SLC6A4: variants seen among roughly 807,000 people sequenced by gnomAD.
The protein encoded by SLC6A4 is sodium-dependent serotonin transporter.
SLC6A4 carries 22 observed loss-of-function variants against 73.4 expected under a neutral mutation model. That is an observed-to-expected ratio of 0.30 (90% confidence interval 0.21 to 0.43). The LOEUF (loss-of-function observed/expected upper bound fraction) is 0.43. SLC6A4 is among the 20% of genes least tolerant of loss of function. SLC6A4 has a pLI of 1.00. For synonymous variants in SLC6A4, 270 were observed against 315.5 expected (o/e 0.86, Z 1.53); for missense variants, 593 against 808.5 (o/e 0.73, Z 3.23).
chr17:30,234,346 A>AAAAG (rs747067437), intron 1 of SLC6A4, among the ~76,000 whole-genome samples: 14 of 152,202 alleles, frequency 9.2e-5, no homozygotes, highest in African/African-American at 2.6e-4. Context: ...TTTAGTGGGA[A>AAAAG]AAAGAAAGAA....
At chr17:30,225,411 A>G (rs1044468160) in intron 1 of SLC6A4, among the ~76,000 whole-genome samples, 1 of 152,154 alleles carries the variant, frequency 6.6e-6, no homozygotes, top group Non-Finnish European at 1.5e-5. Flanking sequence ...GGCTTTTTCT[A>G]TCAAGACTTG....
chr17:30,218,600 T>G (rs896302936), intron 4 of SLC6A4, among the ~76,000 whole-genome samples, 197 bp downstream of exon 4: 1 of 152,258 alleles, frequency 6.6e-6, no homozygotes, highest in Non-Finnish European at 1.5e-5. Context: ...ATTAGTTTAC[T>G]TCTCATTGCC....
At chr17:30,214,449 A>G (rs1906489271) in intron 8 of SLC6A4, among the ~76,000 whole-genome samples, 1 of 149,922 alleles carries the variant, frequency 6.7e-6, no homozygotes, top group African/African-American at 2.4e-5. Flanking sequence ...AAAGAAAAGA[A>G]AAGAAAAATT....
chr17:30,209,185 T>G lies in SLC6A4; in HGVS notation c.1507A>C (p.Thr503Pro). The change falls in exon 12 of 15, where the codon ACT (threonine) becomes CCT (proline). Residue 503 changes from threonine (T) to proline (P), a missense_variant. Coordinates refer to ENST00000650711, the MANE Select transcript of SLC6A4 (RefSeq NM_001045.6). ...GCGACTGCTTCGATCAGCGCGACAG[T>G]GAGCACTGCGGGCCCCGTGGCATAC... is the stretch of plus-strand genomic sequence containing the variant. ...EEYATGPAVL[T>P]VALIEAVAVS... 1 of 1,613,860 alleles carries G rather than the reference T, an allele frequency of 6.2e-7. No homozygotes were observed. The highest frequency in any genetic ancestry group is 8.5e-7 in the Non-Finnish European group (1 of 1,179,876).
chr17:30,231,588 G>A (rs1907118316), intron 1 of SLC6A4, among the ~76,000 whole-genome samples: 3 of 151,862 alleles, frequency 2.0e-5, no homozygotes, highest in Non-Finnish European at 4.4e-5. Context: ...TACTGCATAT[G>A]CAAAAATTAG....
At chr17:30,230,164 A>AGAG (rs1176940205) in intron 1 of SLC6A4, among the ~76,000 whole-genome samples, 7 of 151,466 alleles carry the variant, frequency 4.6e-5, no homozygotes, top group South Asian at 2.1e-4. Context: ...AGGAAGAGGA[A>AGAG]GAAGAAGAAG....
In SLC6A4 at chr17:30,221,729, C is replaced by T; in HGVS notation, c.230G>A (p.Gly77Glu). The T allele has an allele frequency of 1.2e-6, 2 of 1,614,172 alleles. No homozygotes were observed. The highest frequency in any genetic ancestry group is 1.7e-6 in the Non-Finnish European group (2 of 1,180,034). ...CTTCTTGCCCCAGGTCTCCCGTTCCCCTTGATGAAGCTCAGCCACTAGGGT... is the reference window on the plus strand; with the variant it reads ...CTTCTTGCCCCAGGTCTCCCGTTCCTCTTGATGAAGCTCAGCCACTAGGGT... Reference protein sequence around the residue: ...TTTLVAELHQGERETWGKKVD... With the variant: ...TTTLVAELHQEERETWGKKVD... The change falls in exon 3 of 15, where the codon GGG (glycine) becomes GAG (glutamate). Residue 77 changes from glycine (G) to glutamate (E), a missense_variant. Gly to Glu is a moderately conservative substitution (Grantham distance 98, BLOSUM62 -2). Transcript: ENST00000650711.
In SLC6A4 at chr17:30,220,591, C is replaced by T. The variant is rs181619572; in HGVS notation, c.343+1025G>A. Reference sequence around the variant, plus strand: ...GATCTAATCCAGCTTAAATTCTGCCCAGACTGGTAATTAAGATTTAGGACT... The same window carrying T: ...GATCTAATCCAGCTTAAATTCTGCCTAGACTGGTAATTAAGATTTAGGACT... On this transcript the variant is annotated intron_variant, in intron 3 of 14. Transcript: ENST00000650711. 1.7e-4 allele frequency among the ~76,000 whole-genome samples: 26 copies of T among 152,286 alleles called. 1 individual carries two copies. The highest frequency in any genetic ancestry group is 3.4e-3 in the Middle Eastern group (1 of 294).
chr17:30,221,616 C>T lies in SLC6A4; in HGVS notation c.343G>A (p.Gly115Arg). 2 of 1,612,530 alleles carry T rather than the reference C, an allele frequency of 1.2e-6. No individual in the cohort carries two copies. Among genetic ancestry groups the T allele is most frequent in the Non-Finnish European group, 1.7e-6 (2 of 1,178,826 alleles). The change falls in exon 3 of 15, where the codon GGG becomes AGG. Residue 115 changes from glycine to arginine, a missense_variant and splice_region_variant. By Grantham distance (125) the Gly-to-Arg change is moderately radical (BLOSUM62 -2). Coordinates refer to ENST00000650711, the MANE Select transcript of SLC6A4 (RefSeq NM_001045.6). Reference protein sequence around the residue: ...FPYICYQNGGGAFLLPYTIMA... With the variant: ...FPYICYQNGGRAFLLPYTIMA... The stretch of plus-strand genomic sequence containing the variant: ...TCTACTCGCAGCCTGTGATACTGAC[C>T]CCCTCCATTCTGGTAACATATGTAG...
chr17:30,229,390 G>A (rs572271760), intron 1 of SLC6A4, among the ~76,000 whole-genome samples: 1 of 152,100 alleles, frequency 6.6e-6, no homozygotes, highest in African/African-American at 2.4e-5. Context: ...GCTACACGAC[G>A]GCTTAGGGGT....
At chr17:30,205,276 T>C (rs1450068007) in intron 13 of SLC6A4, among the ~76,000 whole-genome samples, 1 of 152,224 alleles carries the variant, frequency 6.6e-6, no homozygotes, top group Admixed American at 6.5e-5. Flanking sequence ...ATGTTTCACT[T>C]GCCTTCAAGT....
chr17:30,234,451 G>A (rs774421972), intron 1 of SLC6A4, among the ~76,000 whole-genome samples: 3 of 152,166 alleles, frequency 2.0e-5, no homozygotes, highest in African/African-American at 4.8e-5. Context: ...TATTGGAACG[G>A]TCACTGCCAC....
At chr17:30,208,478 C>T (rs1341000194) in intron 12 of SLC6A4, among the ~76,000 whole-genome samples, 2 of 151,964 alleles carry the variant, frequency 1.3e-5, no homozygotes, top group Non-Finnish European at 2.9e-5. Flanking sequence ...GGTTGCTTCC[C>T]CGAGAGGTCC....
intron 8 of SLC6A4, among the ~76,000 whole-genome samples, chr17:30,214,422 C>CAAAAAAAAAA (rs748274109): frequency 1.5e-4 from 12 of 79,450 alleles, no homozygotes; most frequent in East Asian, 3.7e-4. Context: ...AACTCCGTCT[C>CAAAAAAAAAA]AAAAAAAAAA....
At chr17:30,216,255 AG>A in intron 6 of SLC6A4, 39 bp from the exon 7 acceptor site, 2 of 154,898 alleles carry the variant, frequency 1.3e-5, no homozygotes, top group Non-Finnish European at 2.1e-5. Context: ...TGTTCCAGGG[AG>A]GGGAGGGGAG....
intron 14 of SLC6A4, 37 bp from the exon 15 acceptor site, chr17:30,198,567 G>C (rs199829838): frequency 1.6e-6 from 2 of 1,242,456 alleles, no homozygotes; most frequent in Non-Finnish European, 2.3e-6. Context: ...AAACATCCTT[G>C]TAATTTTTAA....
intron 11 of SLC6A4, 52 bp downstream of exon 11, chr17:30,210,463 G>C: frequency 3.8e-6 from 6 of 1,577,884 alleles, no homozygotes; most frequent in Non-Finnish European, 5.2e-6. Flanking sequence ...TTCCTGTAGC[G>C]TTCTGCTGCC....
chr17:30,226,877 AAAAAAG>A (rs1906944772), intron 1 of SLC6A4, among the ~76,000 whole-genome samples: 1 of 119,936 alleles, frequency 8.3e-6, no homozygotes, highest in African/African-American at 3.3e-5. Flanking sequence ...TGTCTCAAAA[AAAAAAG>A]AAAAAGAAAG....
rs74412993 is a variant in SLC6A4, at chr17:30,216,584, C to A, written c.838-368G>T. ...ATTGCCACGATTATTAATTGTGGTACTACCAGTGGGTTGAAGGAATCTTGA... is the reference window on the plus strand; with the variant it reads ...ATTGCCACGATTATTAATTGTGGTAATACCAGTGGGTTGAAGGAATCTTGA... On this transcript the variant is annotated intron_variant, in intron 6 of 14. Coordinates refer to ENST00000650711, the MANE Select transcript of SLC6A4 (RefSeq NM_001045.6). 4.7e-3 allele frequency among the ~76,000 whole-genome samples: 719 copies of A among 151,696 alleles called. 6 individuals carry two copies. The highest frequency in any genetic ancestry group is 8.2e-3 in the Non-Finnish European group (555 of 67,920).
Sources: allele counts gnomAD v4.1 joint callset (sites outside exome capture counted in the v4.1 genomes callset), GRCh38; gene constraint gnomAD v4.1.1; transcripts MANE v1.5; gene names NCBI Gene and HGNC (gene_info 2026-07-23, HGNC 2026-07-21).